The following PPM1H variants were observed in gnomAD, a reference collection of about 807,000 sequenced individuals.
PPM1H encodes protein phosphatase 1H.
A neutral mutation model predicts 54.9 loss-of-function variants in PPM1H; 27 were observed. That is an observed-to-expected ratio of 0.49 (90% CI 0.36 to 0.68). PPM1H has a LOEUF of 0.68. Among genes scored for constraint, PPM1H ranks in the 30% least tolerant of loss-of-function variants. The probability of loss-of-function intolerance (pLI) is 0.00; values close to 1 mark genes in which losing one functional copy is unlikely to be tolerated. For synonymous variants in PPM1H, 305 were observed against 270.8 expected (o/e 1.13, Z -1.24); for missense variants, 596 against 667.8 (o/e 0.89, Z 1.19).
intron 9 of PPM1H, among the ~76,000 whole-genome samples, chr12:62,657,794 G>C (rs1029638698): frequency 6.6e-6 from 1 of 152,024 alleles, no homozygotes; most frequent in Non-Finnish European, 1.5e-5. Flanking sequence ...TTGAATTAAC[G>C]CCTGTTGTCA....
chr12:62,797,286 A>T (rs1249885033), intron 3 of PPM1H, among the ~76,000 whole-genome samples: 19 of 152,208 alleles, frequency 1.2e-4, no homozygotes, highest in Admixed American at 1.2e-3. Context: ...CAGTGAGGCA[A>T]ATTAGAGGCT....
intron 1 of PPM1H, among the ~76,000 whole-genome samples, chr12:62,919,999 G>A (rs762326802): frequency 1.4e-4 from 22 of 152,148 alleles, no homozygotes; most frequent in Non-Finnish European, 2.9e-4. Context: ...AGTCAGAGTT[G>A]CCAATTCTTC....
At chr12:62,908,390 A>G (rs1162945007) in intron 1 of PPM1H, among the ~76,000 whole-genome samples, 3 of 141,882 alleles carry the variant, frequency 2.1e-5, no homozygotes, top group Admixed American at 7.4e-5. Flanking sequence ...CTGGGTGACA[A>G]GAGCGAGACT....
chr12:62,674,034 A>C (rs2075972402), intron 8 of PPM1H, among the ~76,000 whole-genome samples: 1 of 151,792 alleles, frequency 6.6e-6, no homozygotes, highest in Non-Finnish European at 1.5e-5. Context: ...CAATTTTCCT[A>C]TCTCTGAAAT....
At chr12:62,663,682 C>T (rs2075898990) in intron 9 of PPM1H, among the ~76,000 whole-genome samples, 1 of 152,106 alleles carries the variant, frequency 6.6e-6, no homozygotes. Flanking sequence ...ACTTTGGCTC[C>T]TTAGAGCCTT....
In PPM1H at chr12:62,811,106, T is replaced by TG. The variant is rs557422279; in HGVS notation, c.412-8947dup. Reference sequence around the variant, plus strand: ...TAAATGTGCAGCTAACCATGGGGTATGGGGGGCACACGGGAAGGGGTATGG... The same window carrying TG: ...TAAATGTGCAGCTAACCATGGGGTATGGGGGGGCACACGGGAAGGGGTATGG... On this transcript the variant is annotated intron_variant, in intron 2 of 9. Transcript: ENST00000228705. Among the ~76,000 whole-genome samples, 29 of 152,204 alleles carry TG rather than the reference T, an allele frequency of 1.9e-4. 1 individual carries two copies. In the South Asian group the frequency reaches 5.0e-3, roughly 26 times the overall value.
Position 62,863,058 on chromosome 12 carries a change from T to C in PPM1H, c.246-30779A>G, listed in dbSNP as rs536253796. 7.9e-5 allele frequency among the ~76,000 whole-genome samples: 12 copies of C among 152,184 alleles called. No homozygotes were observed. The South Asian group carries it at 2.5e-3, about 32-fold the overall frequency. On this transcript the variant is annotated intron_variant, in intron 1 of 9. Coordinates refer to ENST00000228705, the MANE Select transcript of PPM1H (RefSeq NM_020700.2). ...TGTTTTTAGACAGAGGCTCACTCCA[T>C]CACCCAGGCTGGAGTGCAGTGGCGT...
chr12:62,703,695 G>A (rs1482340298), intron 6 of PPM1H, among the ~76,000 whole-genome samples: 4 of 152,098 alleles, frequency 2.6e-5, no homozygotes, highest in Non-Finnish European at 5.9e-5. Flanking sequence ...TTAAGAGCTT[G>A]GCATGACCCC....
chr12:62,788,216 A>C lies in PPM1H; in HGVS notation c.869+10T>G. ...GAAATTAGCAAGAATCAGACAGCTC[A>C]TCTGCTTACCTGCTATCCCCAGCAT... On this transcript the variant is annotated intron_variant, in intron 4 of 9. Transcript: ENST00000228705. 1 of 1,533,566 alleles carries C rather than the reference A, an allele frequency of 6.5e-7. No homozygotes were observed. The highest frequency in any genetic ancestry group is 8.9e-7 in the Non-Finnish European group (1 of 1,119,106). 95.0% of individuals were successfully genotyped at this position (1,533,566 alleles called of 1,614,324 possible).
chr12:62,647,817 A>AC lies in PPM1H; in HGVS notation c.*671dup, dbSNP rs1160426999. 6.6e-6 allele frequency: 1 copy of AC among 152,026 alleles called. No homozygotes were observed. The highest frequency in any genetic ancestry group is 1.5e-5 in the Non-Finnish European group (1 of 68,090). The allele number at this position is 152,026 out of a possible 1,614,324, so 9.4% of individuals were successfully genotyped here. A position where few individuals can be genotyped will look rare whatever the true frequency, so the allele number is the denominator to read the frequency against. On this transcript the variant is annotated 3_prime_UTR_variant, in exon 10 of 10. Transcript: ENST00000228705. ...ACAACCCAGCCTGGGTGGGACTTGG[A>AC]CACAGAACTTCCTTAGCAGGGTGTT...
At chr12:62,674,205 G>A (rs1045444640) in intron 8 of PPM1H, among the ~76,000 whole-genome samples, 1 of 152,160 alleles carries the variant, frequency 6.6e-6, no homozygotes, top group Admixed American at 6.5e-5. Context: ...ATATCGTCTA[G>A]TTGGTAGAAG....
At chr12:62,653,176 G>A (rs1439381236) in intron 9 of PPM1H, among the ~76,000 whole-genome samples, 1 of 152,162 alleles carries the variant, frequency 6.6e-6, no homozygotes. Flanking sequence ...CTGATATGAA[G>A]TACCACTAAG....
chr12:62,735,260 A>G (rs373905946), intron 5 of PPM1H, among the ~76,000 whole-genome samples: 3 of 152,144 alleles, frequency 2.0e-5, no homozygotes, highest in East Asian at 3.9e-4. Context: ...GGCTGCCCCA[A>G]GAGTGCAGTG....
At chr12:62,836,930 C>T (rs753859468) in intron 1 of PPM1H, among the ~76,000 whole-genome samples, 2 of 152,110 alleles carry the variant, frequency 1.3e-5, no homozygotes, top group Non-Finnish European at 2.9e-5. Flanking sequence ...AGTAGGTAAA[C>T]ACAGACCTTT....
intron 4 of PPM1H, among the ~76,000 whole-genome samples, chr12:62,779,268 C>T (rs919926643): frequency 3.9e-5 from 6 of 152,024 alleles, no homozygotes; most frequent in South Asian, 2.1e-4. Context: ...CAGCTGGTCT[C>T]GAACTCCTGA....
In PPM1H at chr12:62,647,029, T is replaced by G. The variant is rs142308216; in HGVS notation, c.*1460A>C. The G allele has an allele frequency of 1.3e-5, 2 of 152,258 alleles. No individual in the cohort carries two copies. Among genetic ancestry groups the G allele is most frequent in the Non-Finnish European group, 2.9e-5 (2 of 68,026 alleles). 9.4% of individuals were successfully genotyped at this position (152,258 alleles called of 1,614,324 possible). A position where few individuals can be genotyped will look rare whatever the true frequency, so the allele number is the denominator to read the frequency against. ...AAGTTGTCAAAATGGTGGCAATACC[T>G]CAGTAGCTCAGCAGGAAGAAGACTA... On this transcript the variant is annotated 3_prime_UTR_variant, in exon 10 of 10. Transcript: ENST00000228705.
At chr12:62,879,640 G>A (rs981292865) in intron 1 of PPM1H, among the ~76,000 whole-genome samples, 2 of 152,014 alleles carry the variant, frequency 1.3e-5, no homozygotes, top group Admixed American at 6.6e-5. Context: ...GAGGGATAGC[G>A]TTAGGAGAAA....
intron 1 of PPM1H, among the ~76,000 whole-genome samples, chr12:62,923,438 G>T (rs1871866729): frequency 6.6e-6 from 1 of 151,736 alleles, no homozygotes; most frequent in Non-Finnish European, 1.5e-5. Flanking sequence ...TCTCCCTCTT[G>T]GCCCCCAGGC....
intron 1 of PPM1H, among the ~76,000 whole-genome samples, chr12:62,921,548 A>G (rs994504999): frequency 6.6e-6 from 1 of 152,214 alleles, no homozygotes; most frequent in Non-Finnish European, 1.5e-5. Context: ...GCTGCCAAAG[A>G]CAAAGGTATA....
Sources: allele counts gnomAD v4.1 joint callset (sites outside exome capture counted in the v4.1 genomes callset), GRCh38; gene constraint gnomAD v4.1.1; transcripts MANE v1.5; gene names NCBI Gene and HGNC (gene_info 2026-07-23, HGNC 2026-07-21).